Variants in CADPS2 observed in about 807,000 individuals in gnomAD.
CADPS2 encodes calcium dependent secretion activator 2.
Under a neutral mutation model 172.5 loss-of-function variants are expected in CADPS2, and 93 were observed. The ratio of observed to expected loss-of-function variants is 0.54; its 90% CI spans 0.46 to 0.64. The LOEUF is 0.64. Ranked by LOEUF, CADPS2 falls within the 30% of genes least tolerant of loss-of-function variation. The pLI is 0.00. For synonymous variants in CADPS2, 546 were observed against 555.2 expected (o/e 0.98, Z 0.23); for missense variants, 1,420 against 1,565.9 (o/e 0.91, Z 1.57).
At chr7:122,744,539 C>T (rs201668378) in intron 1 of CADPS2, among the ~76,000 whole-genome samples, 2 of 152,120 alleles carry the variant, frequency 1.3e-5, no homozygotes, top group Non-Finnish European at 1.5e-5. Context: ...CTTGCCCCAG[C>T]GAACAGTGAA....
chr7:122,454,838 A>C (rs564264336), intron 14 of CADPS2, among the ~76,000 whole-genome samples: 3 of 152,154 alleles, frequency 2.0e-5, no homozygotes, highest in Non-Finnish European at 4.4e-5. Flanking sequence ...CACACCCAGA[A>C]TGTGACCTTC....
At chr7:122,489,988 G>C in intron 11 of CADPS2, 93 bp downstream of exon 11, 1 of 1,004,608 alleles carries the variant, frequency 1.0e-6, no homozygotes, top group South Asian at 1.5e-5. Context: ...ATCAATTAAT[G>C]ATGTAAACTA....
chr7:122,650,754 T>C (rs2079067358), intron 3 of CADPS2, among the ~76,000 whole-genome samples: 1 of 152,212 alleles, frequency 6.6e-6, no homozygotes, highest in Non-Finnish European at 1.5e-5. Flanking sequence ...TTGTTAGGAA[T>C]ATGTTAAAAT....
At chr7:122,675,928 T>C (rs1181152329) in intron 2 of CADPS2, among the ~76,000 whole-genome samples, 2 of 152,030 alleles carry the variant, frequency 1.3e-5, no homozygotes, top group Non-Finnish European at 2.9e-5. Context: ...CCACGGCACA[T>C]GCACGCCCAT....
intron 8 of CADPS2, among the ~76,000 whole-genome samples, chr7:122,517,536 C>T (rs982615763): frequency 1.3e-4 from 20 of 152,064 alleles, no homozygotes; most frequent in African/African-American, 4.3e-4. Context: ...TATAAAGGTA[C>T]ATCTTACTTT....
intron 2 of CADPS2, among the ~76,000 whole-genome samples, chr7:122,732,885 A>G (rs2137605370): frequency 6.9e-6 from 1 of 145,818 alleles, no homozygotes; most frequent in East Asian, 2.0e-4. Context: ...TATGCTATGT[A>G]TAATATATAT....
intron 2 of CADPS2, among the ~76,000 whole-genome samples, chr7:122,700,221 T>G (rs1265267821): frequency 3.3e-5 from 5 of 152,172 alleles, no homozygotes; most frequent in Non-Finnish European, 7.3e-5. Context: ...GTCTCTGGTC[T>G]ACATACGTAA....
intron 9 of CADPS2, among the ~76,000 whole-genome samples, chr7:122,499,485 T>C (rs1308335973): frequency 7.2e-5 from 11 of 152,224 alleles, no homozygotes; most frequent in Admixed American, 6.5e-4. Flanking sequence ...ATGGGCACTA[T>C]ATTTTATTCG....
chr7:122,763,378 A>C (rs911866321), intron 1 of CADPS2, among the ~76,000 whole-genome samples: 6 of 152,164 alleles, frequency 3.9e-5, no homozygotes, highest in Non-Finnish European at 7.4e-5. Flanking sequence ...GACAATAAGA[A>C]ATCAGCAAAT....
chr7:122,474,232 C>T, intron 13 of CADPS2, 149 bp downstream of exon 13: 2 of 790,650 alleles, frequency 2.5e-6, no homozygotes, highest in Admixed American at 2.8e-5. Flanking sequence ...CTTTATCCCT[C>T]ACTCCCACTA....
chr7:122,823,906 T>TA (rs1414848026), intron 1 of CADPS2, among the ~76,000 whole-genome samples: 3 of 151,858 alleles, frequency 2.0e-5, no homozygotes, highest in Middle Eastern at 3.4e-3. Context: ...CTTGTTTTTT[T>TA]AAAAAAAAGC....
intron 7 of CADPS2, among the ~76,000 whole-genome samples, chr7:122,580,401 C>T (rs75708714): frequency 2.7e-5 from 4 of 147,750 alleles, no homozygotes; most frequent in Non-Finnish European, 3.0e-5. Context: ...TGCAATGAGC[C>T]GAGGTTGTGC....
chr7:122,490,220 G>A lies in CADPS2; in HGVS notation c.1713C>T (p.Ala571=). The A allele has an allele frequency of 6.2e-7, 1 of 1,613,238 alleles. No homozygotes were observed. Among genetic ancestry groups the A allele is most frequent in the Non-Finnish European group, 8.5e-7 (1 of 1,179,544 alleles). Residue 571 remains alanine, a synonymous_variant, in exon 11 of 30, where the codon GCC becomes GCT. Transcript: ENST00000449022. ...AVKEGDTVIF[A]SDDEQDRILW... is the part of the protein sequence containing the mutation. ...ATATTCTGTCCTGTTCATCATCACT[G>A]GCAAAGATTACAGTATCTCCTTCTT...
chr7:122,698,934 G>A (rs761589626), intron 2 of CADPS2: 3 of 1,542,588 alleles, frequency 1.9e-6, no homozygotes, highest in Non-Finnish European at 2.6e-6. Flanking sequence ...TCTTCTCCGA[G>A]TGACTTAAGA....
chr7:122,698,680 C>G, intron 2 of CADPS2: 1 of 1,613,936 alleles, frequency 6.2e-7, no homozygotes, highest in Non-Finnish European at 8.5e-7. Flanking sequence ...TTGGATTTTT[C>G]CCTCTGGTGG....
intron 5 of CADPS2, among the ~76,000 whole-genome samples, chr7:122,620,259 A>G (rs564961896): frequency 8.9e-4 from 135 of 152,350 alleles, no homozygotes; most frequent in African/African-American, 3.2e-3. Context: ...GCTATGAATT[A>G]AAGTGTCACA....
At chr7:122,519,005 T>C (rs550910133) in intron 8 of CADPS2, among the ~76,000 whole-genome samples, 3 of 151,584 alleles carry the variant, frequency 2.0e-5, no homozygotes, top group African/African-American at 7.3e-5. Context: ...CAGAAATATA[T>C]GGAAAAACAA....
intron 7 of CADPS2, among the ~76,000 whole-genome samples, chr7:122,576,776 T>TA (rs1204559213): frequency 6.0e-5 from 9 of 150,736 alleles, no homozygotes; most frequent in Admixed American, 2.0e-4. Context: ...AGATCTGATT[T>TA]TTTTTTTTTT....
rs191981292 is a variant in CADPS2, at chr7:122,855,485, A to C, written c.339+30514T>G. Reference sequence around the variant, plus strand: ...TATAAGCACACCCAAGAAAATTCTAAGGGCAATTTAAAAAATAACAGTGGC... The same window carrying C: ...TATAAGCACACCCAAGAAAATTCTACGGGCAATTTAAAAAATAACAGTGGC... On this transcript the variant is annotated intron_variant, in intron 1 of 29. Coordinates refer to ENST00000449022, the MANE Select transcript of CADPS2 (RefSeq NM_017954.11). 7.2e-5 allele frequency among the ~76,000 whole-genome samples: 11 copies of C among 152,328 alleles called. No individual in the cohort carries two copies. The East Asian group carries it at 2.1e-3, about 29-fold the overall frequency.
Sources: allele counts gnomAD v4.1 joint callset (sites outside exome capture counted in the v4.1 genomes callset), GRCh38; gene constraint gnomAD v4.1.1; transcripts MANE v1.5; gene names NCBI Gene and HGNC (gene_info 2026-07-23, HGNC 2026-07-21).